The following ENTREP2 variants were observed in gnomAD, a reference collection of about 807,000 sequenced individuals.
ENTREP2 encodes endosomal transmembrane epsin interactor 2.
chr15:29,230,817 G>C, the ENTREP2 span, among the ~76,000 whole-genome samples: 3 of 152,150 alleles, frequency 2.0e-5, no homozygotes, highest in African/African-American at 7.2e-5. Flanking sequence ...AAGTCATGTA[G>C]GGTTTGTAAG....
At chr15:29,617,901 C>G in the ENTREP2 span, among the ~76,000 whole-genome samples, 9 of 152,178 alleles carry the variant, frequency 5.9e-5, no homozygotes, top group African/African-American at 2.2e-4. Flanking sequence ...ACCAGGCAGC[C>G]TGGCATCTTG....
the ENTREP2 span, among the ~76,000 whole-genome samples, chr15:29,643,522 C>G: frequency 2.6e-5 from 4 of 152,142 alleles, no homozygotes; most frequent in African/African-American, 7.2e-5. Flanking sequence ...GTGGCTCACG[C>G]CTGTAATCCC....
chr15:29,296,441 A>G, the ENTREP2 span, among the ~76,000 whole-genome samples: 3 of 152,178 alleles, frequency 2.0e-5, no homozygotes, highest in African/African-American at 7.2e-5. Flanking sequence ...AAAACACATG[A>G]AATCCTCAGA....
the ENTREP2 span, chr15:29,268,924 A>G: frequency 6.2e-7 from 1 of 1,614,118 alleles, no homozygotes; most frequent in Non-Finnish European, 8.5e-7. Context: ...AAGAACTTTC[A>G]TCTTGCTGGT....
At chr15:29,518,440 A>G in the ENTREP2 span, among the ~76,000 whole-genome samples, 2 of 152,332 alleles carry the variant, frequency 1.3e-5, no homozygotes, top group African/African-American at 4.8e-5. Context: ...TTTCTAAAAA[A>G]ACAAATAAAA....
At chr15:29,197,171 A>G in the ENTREP2 span, among the ~76,000 whole-genome samples, 1 of 152,264 alleles carries the variant, frequency 6.6e-6, no homozygotes, top group Non-Finnish European at 1.5e-5. Flanking sequence ...AAAACCATGG[A>G]AGAAAAAAAT....
the ENTREP2 span, among the ~76,000 whole-genome samples, chr15:29,338,927 A>G: frequency 2.6e-5 from 4 of 152,252 alleles, no homozygotes; most frequent in South Asian, 8.3e-4. Context: ...TTTTCAGCTG[A>G]ATGTAGCAGG....
At chr15:29,355,939 T>C in the ENTREP2 span, among the ~76,000 whole-genome samples, 2 of 152,206 alleles carry the variant, frequency 1.3e-5, no homozygotes, top group African/African-American at 4.8e-5. Flanking sequence ...GGGTTTTAGA[T>C]GCACAGAATA....
At chr15:29,653,140 T>G in the ENTREP2 span, among the ~76,000 whole-genome samples, 1 of 152,106 alleles carries the variant, frequency 6.6e-6, no homozygotes, top group Non-Finnish European at 1.5e-5. Context: ...AAACTGCACC[T>G]TAACACAAAA....
the ENTREP2 span, among the ~76,000 whole-genome samples, chr15:29,621,588 CAAA>C: frequency 2.5e-3 from 145 of 58,836 alleles, no homozygotes; most frequent in African/African-American, 8.8e-3. Context: ...TGGCCACTAT[CAAA>C]AAAAAAAAAA....
the ENTREP2 span, among the ~76,000 whole-genome samples, chr15:29,463,710 T>C: frequency 2.6e-5 from 4 of 152,126 alleles, no homozygotes; most frequent in African/African-American, 4.8e-5. Flanking sequence ...TCTGGGTACA[T>C]ACCCTAAATA....
the ENTREP2 span, among the ~76,000 whole-genome samples, chr15:29,589,172 C>A: frequency 6.6e-6 from 1 of 152,068 alleles, no homozygotes; most frequent in Non-Finnish European, 1.5e-5. Context: ...GATTCTGGGG[C>A]AGCTGGCAAA....
chr15:29,141,138 A>G, the ENTREP2 span, among the ~76,000 whole-genome samples: 1 of 152,240 alleles, frequency 6.6e-6, no homozygotes, highest in Non-Finnish European at 1.5e-5. Flanking sequence ...AGCTTCCCAA[A>G]GCCCACTTAA....
chr15:29,442,932 C>G, the ENTREP2 span, among the ~76,000 whole-genome samples: 1 of 152,206 alleles, frequency 6.6e-6, no homozygotes, highest in Non-Finnish European at 1.5e-5. Flanking sequence ...CAAAACAGCA[C>G]TGTCAGGGCA....
the ENTREP2 span, among the ~76,000 whole-genome samples, chr15:29,606,619 G>T: frequency 1.3e-5 from 2 of 151,488 alleles, no homozygotes; most frequent in African/African-American, 4.9e-5. Flanking sequence ...ATTCTCCTTT[G>T]GTATAAAGCA....
the ENTREP2 span, among the ~76,000 whole-genome samples, chr15:29,258,235 A>G: frequency 2.0e-5 from 3 of 148,764 alleles, no homozygotes; most frequent in African/African-American, 7.4e-5. Context: ...AAAAAAAAAG[A>G]AAGAAAGAAA....
At chr15:29,573,037 G>A in the ENTREP2 span, among the ~76,000 whole-genome samples, 14 of 152,134 alleles carry the variant, frequency 9.2e-5, no homozygotes, top group African/African-American at 2.7e-4. Context: ...GAGATGTTTC[G>A]GAGGTGTCAG....
the ENTREP2 span, among the ~76,000 whole-genome samples, chr15:29,507,480 A>G: frequency 1.1e-3 from 170 of 152,326 alleles, no homozygotes; most frequent in African/African-American, 3.8e-3. Flanking sequence ...CATAGCACTT[A>G]TTCTAAAATT....
At chr15:29,216,837 A>G in the ENTREP2 span, among the ~76,000 whole-genome samples, 1 of 152,192 alleles carries the variant, frequency 6.6e-6, no homozygotes, top group Non-Finnish European at 1.5e-5. Flanking sequence ...ATGGCTTAAT[A>G]CTGTGAACCA....
Sources: allele counts gnomAD v4.1 joint callset (sites outside exome capture counted in the v4.1 genomes callset), GRCh38; gene constraint gnomAD v4.1.1; transcripts MANE v1.5; gene names NCBI Gene and HGNC (gene_info 2026-07-23, HGNC 2026-07-21).